PTPRD: variants seen among roughly 807,000 people sequenced by gnomAD.
The protein encoded by PTPRD is receptor-type tyrosine-protein phosphatase delta.
In PTPRD, 34 loss-of-function variants were observed where a neutral mutation model predicts 214.5. That is an observed-to-expected ratio of 0.16 (90% CI 0.12 to 0.21). The LOEUF is 0.21. Ranked by LOEUF, PTPRD falls within the 10% of genes least tolerant of loss-of-function variation. The pLI is 1.00. For missense variants in PTPRD, 2,545 were observed against 2,398.7 expected, an observed-to-expected ratio of 1.06 and a Z score of -1.27; for synonymous variants, 1,128 against 845.7, an observed-to-expected ratio of 1.33 and a Z score of -5.79.
chr9:10,097,265 T>C lies in PTPRD; in HGVS notation c.-544-63475A>G, dbSNP rs202118570. ...TGAACTTTAAAGTAGTTTTTTCCAA[T>C]TCTGTGAAGAAAGTCATTGGTAGCT... On this transcript the variant is annotated intron_variant, in intron 3 of 45. Transcript: ENST00000381196. Among the ~76,000 whole-genome samples the C allele has an allele frequency of 6.8e-4, 99 of 146,176 alleles. 1 individual carries two copies. The East Asian group carries it at 0.018, about 26-fold the overall frequency.
At chr9:9,108,668 T>A (rs1411407966) in intron 10 of PTPRD, among the ~76,000 whole-genome samples, 2 of 152,028 alleles carry the variant, frequency 1.3e-5, no homozygotes, top group Admixed American at 6.6e-5. Context: ...TACCCAAGAG[T>A]AATACAAATT....
At chr9:10,514,572 T>G (rs2133938873) in intron 2 of PTPRD, among the ~76,000 whole-genome samples, 1 of 152,074 alleles carries the variant, frequency 6.6e-6, no homozygotes, top group Non-Finnish European at 1.5e-5. Flanking sequence ...ATTGCACTTA[T>G]TTTTTCTGTA....
chr9:9,919,409 G>A (rs2081915388), intron 5 of PTPRD, among the ~76,000 whole-genome samples: 1 of 152,084 alleles, frequency 6.6e-6, no homozygotes, highest in Non-Finnish European at 1.5e-5. Context: ...CAACTCATGT[G>A]CCATTTTTGC....
chr9:8,541,307 G>C (rs1192286366), intron 14 of PTPRD, among the ~76,000 whole-genome samples: 1 of 152,128 alleles, frequency 6.6e-6, no homozygotes, highest in Non-Finnish European at 1.5e-5. Flanking sequence ...ATAGTTCACT[G>C]CAGCATCAAC....
intron 3 of PTPRD, among the ~76,000 whole-genome samples, chr9:10,047,312 CTGTGTGTGTG>C (rs56257525): frequency 7.2e-6 from 1 of 138,810 alleles, no homozygotes; most frequent in Non-Finnish European, 1.5e-5. Context: ...AATCAACTAA[CTGTGTGTGTG>C]TGTGTGTGTG....
intron 11 of PTPRD, among the ~76,000 whole-genome samples, chr9:8,837,061 T>C (rs1184510791): frequency 2.1e-5 from 3 of 140,134 alleles, no homozygotes; most frequent in African/African-American, 8.1e-5. Flanking sequence ...AGTCTCGCTG[T>C]GTCACCCAGG....
At chr9:9,905,738 T>C (rs1350049707) in intron 5 of PTPRD, among the ~76,000 whole-genome samples, 1 of 151,862 alleles carries the variant, frequency 6.6e-6, no homozygotes, top group Non-Finnish European at 1.5e-5. Flanking sequence ...AAGAGGAAAA[T>C]TAAACCAAAA....
chr9:10,211,524 T>A (rs1179517059), intron 3 of PTPRD, among the ~76,000 whole-genome samples: 1 of 152,136 alleles, frequency 6.6e-6, no homozygotes, highest in Admixed American at 6.5e-5. Flanking sequence ...ATGTACTGAA[T>A]GGTAAATGCC....
chr9:9,702,126 A>AAGAG (rs879909244), intron 7 of PTPRD, among the ~76,000 whole-genome samples: 7 of 151,176 alleles, frequency 4.6e-5, no homozygotes, highest in Admixed American at 1.3e-4. Flanking sequence ...TCTCAAAAGA[A>AAGAG]AGAGAGAGAG....
chr9:9,759,297 T>C (rs1468438562), intron 6 of PTPRD, among the ~76,000 whole-genome samples: 1 of 152,132 alleles, frequency 6.6e-6, no homozygotes, highest in Non-Finnish European at 1.5e-5. Flanking sequence ...GTACCATTGG[T>C]AAACTGGCAC....
chr9:9,578,879 T>C (rs1375956509), intron 7 of PTPRD, among the ~76,000 whole-genome samples: 2 of 152,098 alleles, frequency 1.3e-5, no homozygotes, highest in Non-Finnish European at 2.9e-5. Context: ...TAGGATAATA[T>C]TAGTAGACAC....
rs569979533 is a variant in PTPRD at position 9,910,395 on chromosome 9, C to T, written c.-368+28112G>A. On this transcript the variant is annotated intron_variant, in intron 5 of 45. Transcript: ENST00000381196. ...GCAATTTTCAGTCAACATCTGTATA[C>T]GAGTATGCAGTTCTGTTCAAATAAT... Among the ~76,000 whole-genome samples, 29 of 151,870 alleles carry T rather than the reference C, an allele frequency of 1.9e-4. No individual in the cohort carries two copies. In the South Asian group the frequency reaches 5.0e-3, roughly 26 times the overall value.
At chr9:9,130,545 T>C (rs1234509472) in intron 10 of PTPRD, among the ~76,000 whole-genome samples, 2 of 152,196 alleles carry the variant, frequency 1.3e-5, no homozygotes, top group Admixed American at 6.5e-5. Flanking sequence ...TATCTAGGAA[T>C]GAAAGTAGGA....
At chr9:9,913,526 G>A (rs1324457422) in intron 5 of PTPRD, among the ~76,000 whole-genome samples, 1 of 152,164 alleles carries the variant, frequency 6.6e-6, no homozygotes, top group African/African-American at 2.4e-5. Context: ...GTGTCGAAGG[G>A]AAAGGGGAGT....
At chr9:9,999,944 GT>G (rs2096267902) in intron 4 of PTPRD, among the ~76,000 whole-genome samples, 2 of 152,156 alleles carry the variant, frequency 1.3e-5, no homozygotes, top group African/African-American at 4.8e-5. Context: ...GAGAAAGAAT[GT>G]TTAGGACAAG....
chr9:9,813,935 C>A (rs1226806747), intron 5 of PTPRD, among the ~76,000 whole-genome samples: 1 of 152,050 alleles, frequency 6.6e-6, no homozygotes, highest in Non-Finnish European at 1.5e-5. Flanking sequence ...TTATCCCTTG[C>A]AAATGGGTCA....
At position 9,741,351 on chromosome 9, in the gene PTPRD, A is replaced by G. The variant is rs531497410; in HGVS notation, c.-325-6780T>C. 4.8e-4 allele frequency among the ~76,000 whole-genome samples: 53 copies of G among 109,690 alleles called. No individual in the cohort carries two copies. The South Asian group carries it at 0.011, about 22-fold the overall frequency. 72.0% of individuals were successfully genotyped at this position (109,690 alleles called of 152,430 possible). On this transcript the variant is annotated intron_variant, in intron 6 of 45. Coordinates refer to ENST00000381196, the MANE Select transcript of PTPRD (RefSeq NM_002839.4). ...TACACAGGCAATCAATGAAATTTCA[A>G]AAATAGAATTTTTTTTACAAGGAGT... is the stretch of plus-strand genomic sequence containing the variant.
intron 3 of PTPRD, among the ~76,000 whole-genome samples, chr9:10,056,399 A>C (rs1041986643): frequency 1.3e-5 from 2 of 152,192 alleles, no homozygotes; most frequent in Admixed American, 1.3e-4. Context: ...AGTATCAATA[A>C]AAGATACCCA....
intron 10 of PTPRD, among the ~76,000 whole-genome samples, chr9:9,040,175 G>T (rs1275061871): frequency 6.6e-6 from 1 of 152,148 alleles, no homozygotes; most frequent in African/African-American, 2.4e-5. Flanking sequence ...TCAAGTTTAT[G>T]CTTTCACTGA....
Sources: allele counts gnomAD v4.1 joint callset (sites outside exome capture counted in the v4.1 genomes callset), GRCh38; gene constraint gnomAD v4.1.1; transcripts MANE v1.5; gene names NCBI Gene and HGNC (gene_info 2026-07-23, HGNC 2026-07-21).